The following OPHN1 variants were observed in gnomAD, a reference collection of about 807,000 sequenced individuals.
OPHN1 encodes oligophrenin-1.
OPHN1 carries 11 observed loss-of-function variants against 60.7 expected under a neutral mutation model. The ratio of observed to expected loss-of-function variants is 0.18; its 90% confidence interval spans 0.11 to 0.30. OPHN1 has a LOEUF of 0.30. Ranked by LOEUF, OPHN1 falls within the 10% of genes least tolerant of loss-of-function variation. The probability of loss-of-function intolerance (pLI) is 1.00; values close to 1 mark genes in which losing one functional copy is unlikely to be tolerated. For missense variants in OPHN1, 449 were observed against 611.0 expected (o/e 0.73, Z 2.80); for synonymous variants, 226 against 222.6 (o/e 1.02, Z -0.14).
chrX:68,287,157 G>GAAAGAAAGAAAGA (rs1734820788), intron 3 of OPHN1, among the ~76,000 whole-genome samples: 1 of 40,846 alleles, frequency 2.4e-5, no homozygotes, highest in Non-Finnish European at 4.1e-5. Context: ...AAGAAAGAAG[G>GAAAGAAAGAAAGA]AAAGAAAGAA....
At chrX:68,241,269 T>A (rs1313393334) in intron 5 of OPHN1, among the ~76,000 whole-genome samples, 1 of 112,195 alleles carries the variant, frequency 8.9e-6, no homozygotes, top group African/African-American at 3.2e-5. Flanking sequence ...TCCTGGGCAA[T>A]TATTATCAGT....
chrX:68,201,667 G>A lies in OPHN1; in HGVS notation c.977C>T (p.Thr326Met), dbSNP rs1160403612. ...LTLKYCVRRKTESIDKRFCFD... is the reference protein window; with the variant it reads ...LTLKYCVRRKMESIDKRFCFD... ...ACAGAACCTCTTGTCGATAGACTCCGTCTTCCTTCTCACACAGTACTTCAG... is the reference window on the plus strand; with the variant it reads ...ACAGAACCTCTTGTCGATAGACTCCATCTTCCTTCTCACACAGTACTTCAG... The change falls in exon 11 of 25, where the codon ACG becomes ATG. Residue 326 changes from threonine to methionine, a missense_variant. By Grantham distance (81) the Thr-to-Met change is moderately conservative (BLOSUM62 -1). Coordinates refer to ENST00000355520, the MANE Select transcript of OPHN1 (RefSeq NM_002547.3). The A allele has an allele frequency of 9.1e-6, 11 of 1,208,529 alleles. No individual in the cohort carries two copies. The highest frequency in any genetic ancestry group is 1.8e-5 in the South Asian group (1 of 56,762).
intron 2 of OPHN1, among the ~76,000 whole-genome samples, chrX:68,424,613 AT>A (rs1315203258): frequency 1.3e-4 from 14 of 111,898 alleles, no homozygotes; most frequent in Non-Finnish European, 2.3e-4. Flanking sequence ...GGTTTTGGCT[AT>A]GCTTAAAAAA....
intron 10 of OPHN1, among the ~76,000 whole-genome samples, 186 bp from the exon 11 acceptor site, chrX:68,201,896 C>A (rs1416180878): frequency 1.8e-5 from 2 of 111,745 alleles, no homozygotes; most frequent in Admixed American, 1.9e-4. Context: ...TGGTTTCTCC[C>A]CGCTCCAAGA....
chrX:68,287,335 A>G (rs1400275904), intron 3 of OPHN1, among the ~76,000 whole-genome samples: 3 of 98,108 alleles, frequency 3.1e-5, no homozygotes, highest in Non-Finnish European at 5.9e-5. Context: ...AAGAAAAGAA[A>G]TTAAAAAAAA....
intron 15 of OPHN1, among the ~76,000 whole-genome samples, chrX:68,135,077 G>C (rs200936253): frequency 9.0e-6 from 1 of 110,996 alleles, no homozygotes; most frequent in East Asian, 2.8e-4. Context: ...AAAAATCTGA[G>C]TTTAATTCAA....
rs1460446441 is a variant in OPHN1 at position 68,044,524 on chromosome X, C to T, written c.*2648G>A. The T allele has an allele frequency of 8.9e-6, 1 of 112,410 alleles. No individual in the cohort carries two copies. The highest frequency in any genetic ancestry group is 3.2e-5 in the African/African-American group (1 of 30,934). 9.3% of individuals were successfully genotyped at this position (112,410 alleles called of 1,213,427 possible). A position where few individuals can be genotyped will look rare whatever the true frequency, so the allele number is the denominator to read the frequency against. ...ATTGCCAGATTCTCTAACTTGCTGGCCAAGGTATGTTGATAATTTCCTATA... is the reference window on the plus strand; with the variant it reads ...ATTGCCAGATTCTCTAACTTGCTGGTCAAGGTATGTTGATAATTTCCTATA... On this transcript the variant is annotated 3_prime_UTR_variant, in exon 25 of 25. Transcript: ENST00000355520.
intron 15 of OPHN1, among the ~76,000 whole-genome samples, chrX:68,188,453 G>C (rs973556352): frequency 1.8e-5 from 2 of 111,990 alleles, no homozygotes; most frequent in Non-Finnish European, 3.8e-5. Flanking sequence ...ATTTAAAGTA[G>C]TAAGTATAGT....
intron 2 of OPHN1, among the ~76,000 whole-genome samples, chrX:68,404,231 T>G (rs2078729917): frequency 9.3e-6 from 1 of 107,010 alleles, no homozygotes; most frequent in Admixed American, 1.0e-4. Context: ...ATGATCTCGG[T>G]TCACTGCGAC....
intron 2 of OPHN1, among the ~76,000 whole-genome samples, chrX:68,327,797 T>TAAAAAAAAAAAAAAAAAAAAAAA: frequency 1.5e-5 from 1 of 67,377 alleles, no homozygotes; most frequent in Non-Finnish European, 2.8e-5. Context: ...ATAAAAAAAA[T>TAAAAAAAAAAAAAAAAAAAAAAA]AAAAAAAAAA....
intron 15 of OPHN1, among the ~76,000 whole-genome samples, chrX:68,167,297 TATC>T (rs901361600): frequency 9.0e-6 from 1 of 111,686 alleles, no homozygotes; most frequent in Non-Finnish European, 1.9e-5. Flanking sequence ...TACAAGGAGA[TATC>T]ATCTTATCTC....
At chrX:68,053,281 T>C (rs2076859451) in intron 22 of OPHN1, among the ~76,000 whole-genome samples, 1 of 112,672 alleles carries the variant, frequency 8.9e-6, no homozygotes, top group Admixed American at 9.4e-5. Context: ...AGTGAATGAA[T>C]CTGTTCATTA....
intron 5 of OPHN1, among the ~76,000 whole-genome samples, chrX:68,271,371 CAA>C (rs760572422): frequency 5.7e-5 from 4 of 70,255 alleles, no homozygotes. Context: ...ACAGAAATTA[CAA>C]AAAAAAAAAA....
chrX:68,331,388 G>A (rs2078294124), intron 2 of OPHN1, among the ~76,000 whole-genome samples: 1 of 109,377 alleles, frequency 9.1e-6, no homozygotes, highest in Non-Finnish European at 1.9e-5. Flanking sequence ...TAAGGACTGG[G>A]GAAAGAGGTA....
rs1436417929 is a variant in OPHN1, at chrX:68,167,505, G to A, written c.1276+25414C>T. The stretch of plus-strand genomic sequence containing the variant: ...AGCAATCAAATTGTTGGATATATAT[G>A]TGTGTATATATGTGTGTGTGTGTGT... On this transcript the variant is annotated intron_variant, in intron 15 of 24. Coordinates refer to ENST00000355520, the MANE Select transcript of OPHN1 (RefSeq NM_002547.3). 3.6e-5 allele frequency among the ~76,000 whole-genome samples: 4 copies of A among 110,126 alleles called. No individual in the cohort carries two copies. In the Admixed American group the frequency reaches 3.9e-4, roughly 11 times the overall value.
At chrX:68,182,391 G>A (rs1226215264) in intron 15 of OPHN1, among the ~76,000 whole-genome samples, 2 of 107,888 alleles carry the variant, frequency 1.9e-5, no homozygotes, top group East Asian at 5.9e-4. Context: ...GAGAGACAGA[G>A]AGAAAGAGAG....
intron 5 of OPHN1, among the ~76,000 whole-genome samples, chrX:68,245,474 T>C (rs752937834): frequency 8.9e-6 from 1 of 112,409 alleles, no homozygotes; most frequent in Admixed American, 9.4e-5. Flanking sequence ...ACTCGTTTCT[T>C]CTTTCAAGAG....
intron 23 of OPHN1, among the ~76,000 whole-genome samples, chrX:68,050,077 G>A (rs2076846138): frequency 8.9e-6 from 1 of 112,097 alleles, no homozygotes; most frequent in Non-Finnish European, 1.9e-5. Context: ...GAAGAACTTA[G>A]CAACAATGAC....
At chrX:68,129,678 CT>C (rs1298080115) in intron 15 of OPHN1, among the ~76,000 whole-genome samples, 1 of 112,017 alleles carries the variant, frequency 8.9e-6, no homozygotes, top group African/African-American at 3.2e-5. Flanking sequence ...GTTACAATGG[CT>C]TACCTAAAGT....
Sources: allele counts gnomAD v4.1 joint callset (sites outside exome capture counted in the v4.1 genomes callset), GRCh38; gene constraint gnomAD v4.1.1; transcripts MANE v1.5; gene names NCBI Gene and HGNC (gene_info 2026-07-23, HGNC 2026-07-21).